Variants in FLRT1 observed in about 807,000 individuals in gnomAD.
FLRT1 encodes leucine-rich repeat transmembrane protein FLRT1.
In FLRT1, 14 loss-of-function variants were observed where a neutral mutation model predicts 30.9. That is an observed-to-expected ratio of 0.45 (90% CI 0.30 to 0.71). The LOEUF is 0.71. Among genes scored for constraint, FLRT1 ranks in the 30% least tolerant of loss-of-function variants. The pLI, the probability that FLRT1 is intolerant of heterozygous loss-of-function variation, is 0.08. For synonymous variants in FLRT1, 368 were observed against 430.4 expected (o/e 0.85, Z 1.80); for missense variants, 737 against 949.2 (o/e 0.78, Z 2.94).
chr11:64,055,911 T>C (rs905236657), intron 1 of FLRT1, among the ~76,000 whole-genome samples: 1 of 152,116 alleles, frequency 6.6e-6, no homozygotes, highest in Non-Finnish European at 1.5e-5. Context: ...GCACAGCAGG[T>C]GAGGGACAGA....
chr11:64,106,630 G>A (rs1325151014), intron 2 of FLRT1, among the ~76,000 whole-genome samples: 1 of 152,218 alleles, frequency 6.6e-6, no homozygotes, highest in South Asian at 2.1e-4. Flanking sequence ...CTCTGATCTA[G>A]GATCAGTGAG....
At chr11:64,111,482 A>G (rs1395023655) in intron 2 of FLRT1, among the ~76,000 whole-genome samples, 1 of 152,226 alleles carries the variant, frequency 6.6e-6, no homozygotes, top group Non-Finnish European at 1.5e-5. Context: ...CTCCGGCTCC[A>G]TAACCTTCAC....
chr11:64,092,591 C>T (rs888124021), intron 1 of FLRT1, among the ~76,000 whole-genome samples: 4 of 152,230 alleles, frequency 2.6e-5, no homozygotes, highest in African/African-American at 9.6e-5. Context: ...TCCTCTGCCC[C>T]GTCCACTCCC....
intron 1 of FLRT1, among the ~76,000 whole-genome samples, chr11:64,058,483 A>C (rs930185792): frequency 6.6e-6 from 1 of 152,256 alleles, no homozygotes; most frequent in Non-Finnish European, 1.5e-5. Flanking sequence ...AGAGCAGGTC[A>C]GGCCTTTTCC....
Position 64,036,848 on chromosome 11 carries a change from C to T in FLRT1, c.-1038+689C>T, listed in dbSNP as rs1387469590. Among the ~76,000 whole-genome samples the T allele has an allele frequency of 1.3e-5, 2 of 152,112 alleles. No individual in the cohort carries two copies. The highest frequency in any genetic ancestry group is 2.9e-5 in the Non-Finnish European group (2 of 67,996). On this transcript the variant is annotated intron_variant, in intron 1 of 2. Coordinates refer to ENST00000682287, the MANE Select transcript of FLRT1 (RefSeq NM_013280.5). This position sits in a 1 kb window ranked among gnomAD's most constrained non-coding sequence, Gnocchi z 5.6. ...CCAGCTCTCAAGACAAGGAGGCGGCCCGACCCGGCGGCGCACGCCCCTCCT... is the reference window on the plus strand; with the variant it reads ...CCAGCTCTCAAGACAAGGAGGCGGCTCGACCCGGCGGCGCACGCCCCTCCT...
chr11:64,051,294 G>A (rs1943689602), intron 1 of FLRT1, among the ~76,000 whole-genome samples: 1 of 152,216 alleles, frequency 6.6e-6, no homozygotes, highest in Non-Finnish European at 1.5e-5. Context: ...CTCTTTTGAA[G>A]TAGCTCTGGG....
intron 1 of FLRT1, among the ~76,000 whole-genome samples, chr11:64,083,773 G>GC (rs950129761): frequency 1.3e-5 from 2 of 152,220 alleles, no homozygotes; most frequent in African/African-American, 4.8e-5. Context: ...AAGGGCCCCA[G>GC]CCCCAAATTC....
At chr11:64,040,370 T>C (rs1943461632) in intron 1 of FLRT1, among the ~76,000 whole-genome samples, 2 of 151,806 alleles carry the variant, frequency 1.3e-5, no homozygotes, top group Non-Finnish European at 2.9e-5. Flanking sequence ...ACAGGATGGA[T>C]GGAGAGGGCT....
chr11:64,075,212 C>G lies in FLRT1; in HGVS notation c.-1037-27982C>G, dbSNP rs1003728626. 4.6e-5 allele frequency among the ~76,000 whole-genome samples: 7 copies of G among 152,230 alleles called. No homozygotes were observed. In the East Asian group the frequency reaches 1.3e-3, roughly 29 times the overall value. ...GCCATGAGCCTGGACCATTCTGATC[C>G]ACATGCCAGCTCCAGCCTCTCAGGG... On this transcript the variant is annotated intron_variant, in intron 1 of 2. Coordinates refer to ENST00000682287, the MANE Select transcript of FLRT1 (RefSeq NM_013280.5).
intron 1 of FLRT1, among the ~76,000 whole-genome samples, chr11:64,048,141 T>C (rs1187886275): frequency 6.6e-6 from 1 of 152,172 alleles, no homozygotes; most frequent in Non-Finnish European, 1.5e-5. Context: ...GCAGGGGCCC[T>C]GCCCCCACGA....
intron 1 of FLRT1, among the ~76,000 whole-genome samples, chr11:64,097,141 A>G (rs1300356252): frequency 1.3e-5 from 2 of 152,338 alleles, no homozygotes; most frequent in African/African-American, 4.8e-5. Flanking sequence ...TGAGGACGGC[A>G]GCTTCAGCTA....
intron 1 of FLRT1, among the ~76,000 whole-genome samples, chr11:64,072,249 C>A (rs1944122914): frequency 6.6e-6 from 1 of 152,050 alleles, no homozygotes; most frequent in South Asian, 2.1e-4. Context: ...TGCACCCAAC[C>A]CACAGATGGG....
chr11:64,068,267 A>T (rs1314302946), intron 1 of FLRT1, among the ~76,000 whole-genome samples: 1 of 152,140 alleles, frequency 6.6e-6, no homozygotes, highest in African/African-American at 2.4e-5. Flanking sequence ...GGCATTGGGG[A>T]GCTGGTGGCA....
intron 1 of FLRT1, among the ~76,000 whole-genome samples, chr11:64,051,581 T>C (rs1214974015): frequency 6.6e-6 from 1 of 152,238 alleles, no homozygotes; most frequent in Non-Finnish European, 1.5e-5. Flanking sequence ...TGTCCGGGTC[T>C]GACAGACGGC....
At chr11:64,042,372 T>C (rs1301729602) in intron 1 of FLRT1, among the ~76,000 whole-genome samples, 3 of 151,934 alleles carry the variant, frequency 2.0e-5, no homozygotes, top group Non-Finnish European at 4.4e-5. Flanking sequence ...CCCCAGACAG[T>C]GGCCATCTGT....
intron 1 of FLRT1, among the ~76,000 whole-genome samples, chr11:64,074,183 G>C (rs1944159674): frequency 1.3e-5 from 2 of 152,230 alleles, no homozygotes; most frequent in African/African-American, 4.8e-5. Context: ...CTTTTATGAT[G>C]GGGAAACCGA....
At chr11:64,066,054 G>C (rs922672002) in intron 1 of FLRT1, among the ~76,000 whole-genome samples, 4 of 151,820 alleles carry the variant, frequency 2.6e-5, no homozygotes, top group African/African-American at 9.7e-5. Context: ...CCAACACTTT[G>C]TGGGGGCTGA....
Position 64,090,827 on chromosome 11 carries a change from C to T in FLRT1, c.-1037-12367C>T, listed in dbSNP as rs891984236. On this transcript the variant is annotated intron_variant, in intron 1 of 2. Transcript: ENST00000682287. The surrounding 1 kb of genome is among the most constrained non-coding windows in gnomAD (Gnocchi z 4.7). ...TCTGGGGCTCTGCAGAAGCAGAGCC[C>T]GAGTCGGGTCCAGCCCTGCACTCCC... Among the ~76,000 whole-genome samples, 7 of 151,930 alleles carry T rather than the reference C, an allele frequency of 4.6e-5. No homozygotes were observed. Among genetic ancestry groups the T allele is most frequent in the South Asian group, 2.1e-4 (1 of 4,814 alleles).
chr11:64,078,661 T>C (rs894905163), intron 1 of FLRT1, among the ~76,000 whole-genome samples: 5 of 152,056 alleles, frequency 3.3e-5, no homozygotes, highest in African/African-American at 1.2e-4. Context: ...GTCCTACAAA[T>C]ATGTGCTCTT....
Sources: gnomAD v4.1 joint callset for allele counts (sites outside exome capture counted in the v4.1 genomes callset) on GRCh38, gnomAD v4.1.1 for gene constraint, Gnocchi (gnomAD v3.1) non-coding constraint, MANE v1.5 for transcripts, NCBI Gene and HGNC (gene_info 2026-07-23, HGNC 2026-07-21) for gene names.